The following WDR19 variants were observed in gnomAD, a reference collection of about 807,000 sequenced individuals.
The protein encoded by WDR19 is WD repeat domain 19, also known as WD repeat-containing protein 19.
In WDR19, 121 loss-of-function variants were observed where a neutral mutation model predicts 180.0. That is an observed-to-expected ratio of 0.67 (90% CI 0.58 to 0.78). The LOEUF (loss-of-function observed/expected upper bound fraction) is 0.78, where lower values mean the gene tolerates loss of function less well. WDR19 is among the 30% of genes least tolerant of loss of function. The pLI is 0.00. For synonymous variants in WDR19, 497 were observed against 540.7 expected, an observed-to-expected ratio of 0.92 and a Z score of 1.12; for missense variants, 1,450 against 1,640.7, an observed-to-expected ratio of 0.88 and a Z score of 2.01.
At chr4:39,285,322 CTT>C (rs1250747950) in intron 36 of WDR19, among the ~76,000 whole-genome samples, 163 bp from the exon 37 acceptor site, 3 of 152,202 alleles carry the variant, frequency 2.0e-5, no homozygotes, top group African/African-American at 7.2e-5. Flanking sequence ...AATACTGAAA[CTT>C]GATGCGGATT....
chr4:39,280,726 GCAGGAT>G (rs1397436581), intron 36 of WDR19, among the ~76,000 whole-genome samples: 1 of 151,984 alleles, frequency 6.6e-6, no homozygotes. Context: ...GGAGGCTGAG[GCAGGAT>G]TGCTTGAGTC....
At chr4:39,257,627 T>C in intron 28 of WDR19, 73 bp downstream of exon 28, 2 of 1,379,868 alleles carry the variant, frequency 1.4e-6, no homozygotes, top group Non-Finnish European at 1.0e-6. Context: ...ATTTTAAATA[T>C]ATGCAGAAGT....
intron 1 of WDR19, among the ~76,000 whole-genome samples, chr4:39,183,271 A>G (rs199554768): frequency 2.3e-4 from 1 of 4,350 alleles, no homozygotes; most frequent in Non-Finnish European, 7.6e-4. Flanking sequence ...TTTTTTTTTT[A>G]CTGAGTCTCG....
intron 30 of WDR19, among the ~76,000 whole-genome samples, chr4:39,268,741 A>G (rs1735051402): frequency 6.6e-6 from 1 of 152,220 alleles, no homozygotes. Context: ...GATGCGTGCT[A>G]GGAGCTCAGG....
rs1734994022 is a variant in WDR19 at position 39,268,110 on chromosome 4, TG to T, written c.3358+20del. ...TCTGCAGGTAGGTCCGTGATACGTATGTGTTACTTCCCAAGCAGGCAGCAGA... is the reference window on the plus strand; with the variant it reads ...TCTGCAGGTAGGTCCGTGATACGTATTGTTACTTCCCAAGCAGGCAGCAGA... On this transcript the variant is annotated intron_variant, in intron 30 of 36. Transcript: ENST00000399820. 6.4e-7 allele frequency: 1 copy of T among 1,550,420 alleles called. No individual in the cohort carries two copies. Among genetic ancestry groups the T allele is most frequent in the African/African-American group, 1.4e-5 (1 of 73,414 alleles).
At chr4:39,207,349 G>C (rs538851355) in intron 9 of WDR19, among the ~76,000 whole-genome samples, 1 of 152,162 alleles carries the variant, frequency 6.6e-6, no homozygotes, top group South Asian at 2.1e-4. Flanking sequence ...TCTAGTATTT[G>C]TGTCTTCGGA....
chr4:39,257,037 A>G (rs908590621), intron 27 of WDR19, among the ~76,000 whole-genome samples: 3 of 152,234 alleles, frequency 2.0e-5, no homozygotes, highest in Admixed American at 6.5e-5. Flanking sequence ...ATAACTTAAA[A>G]TAATCGGTCT....
chr4:39,212,245 C>T (rs1262504012), intron 9 of WDR19, among the ~76,000 whole-genome samples: 1 of 152,016 alleles, frequency 6.6e-6, no homozygotes, highest in Non-Finnish European at 1.5e-5. Flanking sequence ...ATACCCTTTT[C>T]AACAAATGGT....
chr4:39,233,000 A>C (rs1377589691), intron 19 of WDR19, among the ~76,000 whole-genome samples: 1 of 152,200 alleles, frequency 6.6e-6, no homozygotes, highest in East Asian at 1.9e-4. Flanking sequence ...ATACAAGGAA[A>C]AATATCACCA....
chr4:39,193,824 G>A (rs557912880), intron 4 of WDR19, among the ~76,000 whole-genome samples: 8 of 152,236 alleles, frequency 5.3e-5, no homozygotes, highest in African/African-American at 1.4e-4. Flanking sequence ...AGAGTTGCTC[G>A]GTCAGTATGT....
intron 21 of WDR19, among the ~76,000 whole-genome samples, chr4:39,241,956 A>T (rs1732005279): frequency 6.6e-6 from 1 of 151,280 alleles, no homozygotes; most frequent in Admixed American, 6.6e-5. Context: ...TTTACCAAAA[A>T]TGAAATCATT....
chr4:39,253,205 T>C lies in WDR19; in HGVS notation c.2789T>C (p.Ile930Thr), dbSNP rs935642323. Residue 930 changes from isoleucine to threonine, a missense_variant, in exon 25 of 37, where the codon ATC (isoleucine) becomes ACC (threonine). By Grantham distance (89) the Ile-to-Thr change is moderately conservative. Transcript: ENST00000399820. ...NAKQWQSVIR[I>T]YLDHLNNPEK... Reference sequence around the variant, plus strand: ...AAACAGTGGCAAAGTGTAATCCGCATCTATCTGGATCACCTCAATAATCCT... The same window carrying C: ...AAACAGTGGCAAAGTGTAATCCGCACCTATCTGGATCACCTCAATAATCCT... 6.2e-7 allele frequency: 1 copy of C among 1,613,524 alleles called. No individual in the cohort carries two copies. Among genetic ancestry groups the C allele is most frequent in the Non-Finnish European group, 8.5e-7 (1 of 1,179,728 alleles).
chr4:39,278,668 G>T lies in WDR19; in HGVS notation c.*13+5G>T, dbSNP rs1371606068. The T allele has an allele frequency of 6.3e-7, 1 of 1,584,552 alleles. No homozygotes were observed. The highest frequency in any genetic ancestry group is 2.3e-5 in the East Asian group (1 of 44,394). Reference sequence around the variant, plus strand: ...AACTGTGATTGGCACGTGCAGGTGAGTGGCAGAGCGCCCACGCACCTTCTG... The same window carrying T: ...AACTGTGATTGGCACGTGCAGGTGATTGGCAGAGCGCCCACGCACCTTCTG... On this transcript the variant is annotated splice_donor_5th_base_variant and intron_variant, in intron 36 of 36. Transcript: ENST00000399820.
rs1185274490 is a variant in WDR19 at position 39,253,141 on chromosome 4, T to C, written c.2730-5T>C. 1 of 1,568,124 alleles carries C rather than the reference T, an allele frequency of 6.4e-7. No homozygotes were observed. Among genetic ancestry groups the C allele is most frequent in the Non-Finnish European group, 8.6e-7 (1 of 1,163,366 alleles). ...AAAAAGTTTATCTGAGCTATTTTTT[T>C]ACAGATACAAAGAAGCTGTTGTAGC... On this transcript the variant is annotated splice_region_variant and splice_polypyrimidine_tract_variant and intron_variant, in intron 24 of 36. Transcript: ENST00000399820.
chr4:39,252,909 T>A (rs1342342907), intron 24 of WDR19, among the ~76,000 whole-genome samples: 1 of 152,214 alleles, frequency 6.6e-6, no homozygotes, highest in Non-Finnish European at 1.5e-5. Flanking sequence ...ATATATAGCT[T>A]TGATTCAGAT....
intron 14 of WDR19, among the ~76,000 whole-genome samples, chr4:39,221,180 A>C (rs1012858218): frequency 1.3e-5 from 2 of 152,178 alleles, no homozygotes; most frequent in Admixed American, 6.5e-5. Context: ...ATATGGAAAA[A>C]TATGGAATAG....
At chr4:39,275,772 C>T (rs1560566818) in intron 33 of WDR19, among the ~76,000 whole-genome samples, 1 of 152,138 alleles carries the variant, frequency 6.6e-6, no homozygotes, top group Non-Finnish European at 1.5e-5. Context: ...AGAGAAGCAG[C>T]GAACTATGTC....
chr4:39,274,981 G>C, intron 33 of WDR19, 23 bp downstream of exon 33: 1 of 1,604,650 alleles, frequency 6.2e-7, no homozygotes, highest in South Asian at 1.1e-5. Context: ...GGCTATTTCT[G>C]CTATCTAATC....
chr4:39,205,337 ATTGTAT>A, intron 8 of WDR19, 71 bp downstream of exon 8: 1 of 1,351,644 alleles, frequency 7.4e-7, no homozygotes, highest in Non-Finnish European at 1.0e-6. Context: ...TTCCTTACTA[ATTGTAT>A]TCAATTTTTG....
Sources: allele counts gnomAD v4.1 joint callset (sites outside exome capture counted in the v4.1 genomes callset), GRCh38; gene constraint gnomAD v4.1.1; transcripts MANE v1.5; gene names NCBI Gene and HGNC (gene_info 2026-07-23, HGNC 2026-07-21).